The following ABCA10 variants were observed in gnomAD, a reference collection of about 807,000 sequenced individuals.
ABCA10 encodes ATP-binding cassette sub-family A member 10.
Under a neutral mutation model 187.5 loss-of-function variants are expected in ABCA10, and 169 were observed. The observed-to-expected ratio is 0.90, with a 90% CI of 0.80 to 1.02. ABCA10 has a LOEUF of 1.02. ABCA10 is among the 50% of genes least tolerant of loss of function. The pLI is 0.00. For synonymous variants in ABCA10, 574 were observed against 601.8 expected (o/e 0.95, Z 0.68); for missense variants, 1,727 against 1,812.4 (o/e 0.95, Z 0.86).
chr17:69,237,776 G>T (rs1294345515), intron 1 of ABCA10, among the ~76,000 whole-genome samples: 1 of 152,090 alleles, frequency 6.6e-6, no homozygotes, highest in East Asian at 1.9e-4. Flanking sequence ...AAAATGACTG[G>T]CAACCTTTGA....
Position 69,199,814 on chromosome 17 carries a change from CTAATT to C in ABCA10, c.1175+1681_1175+1685del, listed in dbSNP as rs572453810. 1.8e-3 allele frequency among the ~76,000 whole-genome samples: 280 copies of C among 152,238 alleles called. 2 individuals are homozygous for C. The highest frequency in any genetic ancestry group is 6.4e-3 in the African/African-American group (265 of 41,542). ...AAAGAGGAAATAATATAATTTAGTC[CTAATT>C]TAATTTGTTATGTGCAACAATACTA... On this transcript the variant is annotated intron_variant, in intron 10 of 38. Transcript: ENST00000690296.
chr17:69,239,969 A>G (rs752405446), intron 1 of ABCA10, among the ~76,000 whole-genome samples: 6 of 152,132 alleles, frequency 3.9e-5, no homozygotes, highest in Non-Finnish European at 7.3e-5. Context: ...ATATTTATAC[A>G]TGACATTGGG....
rs1225253254 is a variant in ABCA10 at position 69,226,782 on chromosome 17, G to C, written c.-172+363C>G. On this transcript the variant is annotated intron_variant, in intron 2 of 38. Transcript: ENST00000690296. ...GTAAAAATCTATTTTATTTTGCCTAGCTTATCTTTCCCCTGGCTGTCCCTG... is the reference window on the plus strand; with the variant it reads ...GTAAAAATCTATTTTATTTTGCCTACCTTATCTTTCCCCTGGCTGTCCCTG... Among the ~76,000 whole-genome samples, 4 of 151,790 alleles carry C rather than the reference G, an allele frequency of 2.6e-5. No individual in the cohort carries two copies. In the East Asian group the frequency reaches 7.7e-4, roughly 29 times the overall value.
chr17:69,240,154 G>A (rs563719026), intron 1 of ABCA10, among the ~76,000 whole-genome samples: 3 of 152,248 alleles, frequency 2.0e-5, no homozygotes, highest in Non-Finnish European at 4.4e-5. Context: ...TTAAAATCCA[G>A]TCCCATGCAC....
At chr17:69,198,645 C>T (rs1488119942) in intron 10 of ABCA10, among the ~76,000 whole-genome samples, 1 of 152,170 alleles carries the variant, frequency 6.6e-6, no homozygotes, top group Non-Finnish European at 1.5e-5. Context: ...GTGGCTATTT[C>T]CTGACTTTCT....
chr17:69,241,165 T>C (rs2074901235), intron 1 of ABCA10, among the ~76,000 whole-genome samples: 2 of 152,182 alleles, frequency 1.3e-5, no homozygotes. Flanking sequence ...TTCAGAGACA[T>C]AATTGCTGAT....
At chr17:69,202,629 A>T (rs931364261) in intron 9 of ABCA10, among the ~76,000 whole-genome samples, 2 of 152,130 alleles carry the variant, frequency 1.3e-5, no homozygotes, top group South Asian at 4.1e-4. Flanking sequence ...TTTTATATAA[A>T]TTTTTTTCAA....
chr17:69,236,025 G>A (rs1006934401), intron 1 of ABCA10, among the ~76,000 whole-genome samples: 1 of 152,114 alleles, frequency 6.6e-6, no homozygotes, highest in Non-Finnish European at 1.5e-5. Context: ...TATAGGTTTT[G>A]TATCCTCAGC....
At chr17:69,214,272 T>C (rs1416049486) in intron 9 of ABCA10, among the ~76,000 whole-genome samples, 1 of 152,100 alleles carries the variant, frequency 6.6e-6, no homozygotes, top group East Asian at 1.9e-4. Context: ...TCCCAGCACT[T>C]TGGGAGGCCG....
At chr17:69,218,827 C>T (rs981818028) in intron 6 of ABCA10, among the ~76,000 whole-genome samples, 7 of 152,082 alleles carry the variant, frequency 4.6e-5, no homozygotes, top group Non-Finnish European at 8.8e-5. Context: ...ACTATGTGAC[C>T]GGGCCTCAGT....
chr17:69,227,620 C>A (rs1683962487), intron 1 of ABCA10, among the ~76,000 whole-genome samples: 1 of 151,724 alleles, frequency 6.6e-6, no homozygotes, highest in Non-Finnish European at 1.5e-5. Flanking sequence ...TTTTTAGAAT[C>A]CAAAAAACAC....
intron 25 of ABCA10, among the ~76,000 whole-genome samples, chr17:69,169,307 TG>T (rs2074278394): frequency 6.6e-6 from 1 of 152,252 alleles, no homozygotes; most frequent in South Asian, 2.1e-4. Context: ...ATCAGTCAAC[TG>T]TCCATACATC....
intron 22 of ABCA10, among the ~76,000 whole-genome samples, chr17:69,180,019 T>C (rs1161534865): frequency 6.6e-6 from 1 of 152,220 alleles, no homozygotes; most frequent in Non-Finnish European, 1.5e-5. Context: ...CGACAAAGGC[T>C]AACTGTAACA....
intron 3 of ABCA10, among the ~76,000 whole-genome samples, chr17:69,223,881 G>A (rs537344094): frequency 7.4e-4 from 113 of 152,306 alleles, no homozygotes; most frequent in Non-Finnish European, 1.4e-3. Context: ...CCAGTGGTCC[G>A]TGAGACTAAG....
chr17:69,165,971 ACATAC>A (rs1355511860), intron 25 of ABCA10, among the ~76,000 whole-genome samples: 1 of 152,208 alleles, frequency 6.6e-6, no homozygotes. Context: ...AGAAACTCTT[ACATAC>A]CATACATGTT....
chr17:69,214,463 C>T lies in ABCA10; in HGVS notation c.1006+241G>A, dbSNP rs111316369. On this transcript the variant is annotated intron_variant, in intron 9 of 38. Coordinates refer to ENST00000690296, the MANE Select transcript of ABCA10 (RefSeq NM_001377321.1). ...CCGGGAGGCGGAGCTTGCAGTGAGC[C>T]GAGATCCCGCCACTGCACTCCAGCC... 4.3e-3 allele frequency among the ~76,000 whole-genome samples: 649 copies of T among 150,542 alleles called. 6 individuals are homozygous for T. The highest frequency in any genetic ancestry group is 0.015 in the African/African-American group (622 of 41,002).
intron 14 of ABCA10, 122 bp from the exon 15 acceptor site, chr17:69,193,370 C>A: frequency 1.3e-6 from 2 of 1,505,966 alleles, no homozygotes; most frequent in Non-Finnish European, 8.9e-7. Flanking sequence ...CCCTAACAAG[C>A]TTGCATGGTA....
intron 1 of ABCA10, among the ~76,000 whole-genome samples, chr17:69,241,700 G>A (rs1233689506): frequency 2.6e-5 from 4 of 152,116 alleles, no homozygotes; most frequent in African/African-American, 9.7e-5. Context: ...AGCACCAAGA[G>A]TCCTTATCTC....
At chr17:69,160,874 G>C (rs898694310) in intron 27 of ABCA10, among the ~76,000 whole-genome samples, 1 of 152,000 alleles carries the variant, frequency 6.6e-6, no homozygotes, top group Admixed American at 6.6e-5. Context: ...AATAAAACTA[G>C]AACTACCATA....
Sources: allele counts gnomAD v4.1 joint callset (sites outside exome capture counted in the v4.1 genomes callset), GRCh38; gene constraint gnomAD v4.1.1; transcripts MANE v1.5; gene names NCBI Gene and HGNC (gene_info 2026-07-23, HGNC 2026-07-21).